GDI2: variants seen among roughly 807,000 people sequenced by gnomAD.
The protein encoded by GDI2 is GDP dissociation inhibitor 2.
Under a neutral mutation model 54.2 loss-of-function variants are expected in GDI2, and 22 were observed. The observed-to-expected ratio is 0.41, with a 90% CI of 0.29 to 0.58. The LOEUF is 0.58. GDI2 is among the 20% of genes least tolerant of loss of function. The probability of loss-of-function intolerance (pLI) is 0.35; values close to 1 mark genes in which losing one functional copy is unlikely to be tolerated. For synonymous variants in GDI2, 177 were observed against 182.1 expected, an observed-to-expected ratio of 0.97 and a Z score of 0.23; for missense variants, 422 against 546.0, an observed-to-expected ratio of 0.77 and a Z score of 2.26.
chr10:5,765,911 C>T lies in GDI2; in HGVS notation c.*95G>A. 1 of 870,800 alleles carries T rather than the reference C, an allele frequency of 1.1e-6. No homozygotes were observed. The highest frequency in any genetic ancestry group is 1.8e-5 in the South Asian group (1 of 56,560). 53.9% of individuals were successfully genotyped at this position (870,800 alleles called of 1,614,324 possible). A position where few individuals can be genotyped will look rare whatever the true frequency, so the allele number is the denominator to read the frequency against. ...CAGCGCTCTTCATTCTCTCCATTTT[C>T]ATTACAAAAGCAGGCCTTACAATAT... is the stretch of plus-strand genomic sequence containing the variant. On this transcript the variant is annotated 3_prime_UTR_variant, in exon 11 of 11. Transcript: ENST00000380191.
In GDI2 at chr10:5,792,888, T is replaced by TA. The variant is rs1445673928; in HGVS notation, c.388+1996dup. Among the ~76,000 whole-genome samples, 3 of 139,242 alleles carry TA rather than the reference T, an allele frequency of 2.2e-5. No homozygotes were observed. In the South Asian group the frequency reaches 6.8e-4, roughly 31 times the overall value. The allele number at this position is 139,242 out of a possible 152,430, so 91.3% of individuals were successfully genotyped here. A position where few individuals can be genotyped will look rare whatever the true frequency, so the allele number is the denominator to read the frequency against. On this transcript the variant is annotated intron_variant, in intron 4 of 10. Coordinates refer to ENST00000380191, the MANE Select transcript of GDI2 (RefSeq NM_001494.4). ...GATAATTTCTATTAGATGAAGGAGG[T>TA]AACTGAAGCTTTAATATAAGTAAGA...
chr10:5,811,157 C>G (rs1001500905), intron 1 of GDI2, among the ~76,000 whole-genome samples: 1 of 152,130 alleles, frequency 6.6e-6, no homozygotes, highest in Non-Finnish European at 1.5e-5. Flanking sequence ...TTCTCATTAT[C>G]AAAATCATCC....
chr10:5,791,536 T>C (rs1276647009), intron 4 of GDI2, among the ~76,000 whole-genome samples: 5 of 151,842 alleles, frequency 3.3e-5, no homozygotes, highest in Admixed American at 3.3e-4. Flanking sequence ...TCATCTGAGG[T>C]CGGGAGTTTG....
At chr10:5,786,221 A>G (rs1214422535) in intron 4 of GDI2, among the ~76,000 whole-genome samples, 171 bp from the exon 5 acceptor site, 9 of 120,038 alleles carry the variant, frequency 7.5e-5, no homozygotes, top group Non-Finnish European at 3.2e-5. Context: ...CCTAGACTGG[A>G]GTGCAATGAC....
intron 4 of GDI2, among the ~76,000 whole-genome samples, chr10:5,787,502 C>G (rs1381709065): frequency 6.6e-6 from 1 of 150,422 alleles, no homozygotes; most frequent in East Asian, 1.9e-4. Context: ...AGTGAGACTC[C>G]GTCTCAAAAA....
intron 7 of GDI2, among the ~76,000 whole-genome samples, chr10:5,773,376 T>C (rs1407865676): frequency 6.6e-6 from 1 of 152,174 alleles, no homozygotes; most frequent in Non-Finnish European, 1.5e-5. Context: ...GTGATTTTTT[T>C]TTTCAGTAGC....
chr10:5,781,890 G>C (rs1289283441), intron 6 of GDI2, among the ~76,000 whole-genome samples: 5 of 152,126 alleles, frequency 3.3e-5, no homozygotes, highest in African/African-American at 1.2e-4. Flanking sequence ...GCACATGCCT[G>C]TAGTCCCAGC....
intron 4 of GDI2, among the ~76,000 whole-genome samples, chr10:5,792,043 T>C (rs1290764224): frequency 6.6e-6 from 1 of 152,170 alleles, no homozygotes; most frequent in Non-Finnish European, 1.5e-5. Context: ...GCATATTATA[T>C]GAGAAACAAC....
chr10:5,794,823 G>C, intron 4 of GDI2, 62 bp downstream of exon 4: 2 of 1,123,980 alleles, frequency 1.8e-6, no homozygotes, highest in East Asian at 2.3e-5. Flanking sequence ...CTCTTTTCCA[G>C]TATAAAATCT....
intron 7 of GDI2, among the ~76,000 whole-genome samples, chr10:5,773,020 C>T (rs1423328562): frequency 6.6e-6 from 1 of 152,118 alleles, no homozygotes; most frequent in Non-Finnish European, 1.5e-5. Context: ...TGAAAATGTG[C>T]TTCACAAATT....
intron 8 of GDI2, among the ~76,000 whole-genome samples, chr10:5,767,166 C>A (rs1470232311): frequency 6.6e-6 from 1 of 151,510 alleles, no homozygotes; most frequent in Admixed American, 6.6e-5. Context: ...GATAGAAAAT[C>A]ATTTGGATAG....
rs139138309 is a variant in GDI2 at position 5,768,593 on chromosome 10, A to G, written c.820-209T>C. 9.0e-6 allele frequency: 5 copies of G among 555,634 alleles called. No individual in the cohort carries two copies. Among genetic ancestry groups the G allele is most frequent in the African/African-American group, 7.5e-5 (4 of 53,118 alleles). The allele number at this position is 555,634 out of a possible 1,614,324, so 34.4% of individuals were successfully genotyped here. On this transcript the variant is annotated intron_variant, in intron 7 of 10. Coordinates refer to ENST00000380191, the MANE Select transcript of GDI2 (RefSeq NM_001494.4). This position sits in a 1 kb window ranked among gnomAD's most constrained non-coding sequence, Gnocchi z 4.4. ...TGGAGGACTCACTCACTAAAAAGCT[A>G]CAGTGATCAATTCAGTGTGGTACTG...
Position 5,795,019 on chromosome 10 carries a change from C to A in GDI2, c.254G>T (p.Gly85Val). Residue 85 changes from glycine (G) to valine (V), a missense_variant and splice_region_variant, in exon 4 of 11, where the codon GGT (glycine) becomes GTT (valine). Physicochemically the swap from Gly to Val is moderately radical, Grantham distance 109 (BLOSUM62 -3). Coordinates refer to ENST00000380191, the MANE Select transcript of GDI2 (RefSeq NM_001494.4). ...ATAAAGCAGCATCTTAACCAGCTGA[C>A]CTAGAAAAGTCACATAATTCAAACT... The part of the protein sequence containing the change: ...DLIPKFLMAN[G>V]QLVKMLLYTE... The A allele has an allele frequency of 6.4e-7, 1 of 1,570,594 alleles. No individual in the cohort carries two copies. Among genetic ancestry groups the A allele is most frequent in the Non-Finnish European group, 8.8e-7 (1 of 1,142,488 alleles).
At position 5,766,362 on chromosome 10, in the gene GDI2, A is replaced by C; in HGVS notation, c.1137-67T>G. ...CCTGACCATGGCTCTGCCTGAGGTCAACTGAGAGGTACAGATGAATCCCAC... is the reference window on the plus strand; with the variant it reads ...CCTGACCATGGCTCTGCCTGAGGTCCACTGAGAGGTACAGATGAATCCCAC... On this transcript the variant is annotated intron_variant, in intron 9 of 10. Transcript: ENST00000380191. This position sits in a 1 kb window ranked among gnomAD's most constrained non-coding sequence, Gnocchi z 5.8. 6.7e-7 allele frequency: 1 copy of C among 1,495,400 alleles called. No individual in the cohort carries two copies. The highest frequency in any genetic ancestry group is 9.3e-7 in the Non-Finnish European group (1 of 1,071,550). The allele number at this position is 1,495,400 out of a possible 1,614,324, so 92.6% of individuals were successfully genotyped here.
At chr10:5,771,076 A>G (rs1326142042) in intron 7 of GDI2, among the ~76,000 whole-genome samples, 1 of 151,894 alleles carries the variant, frequency 6.6e-6, no homozygotes, top group Non-Finnish European at 1.5e-5. Flanking sequence ...TTTAAACAGT[A>G]TATTAATGTA....
intron 1 of GDI2, among the ~76,000 whole-genome samples, chr10:5,804,584 T>C (rs2131719757): frequency 6.6e-6 from 1 of 152,366 alleles, no homozygotes; most frequent in Non-Finnish European, 1.5e-5. Context: ...TCTGACATTA[T>C]GCAACACGTT....
At chr10:5,797,695 G>A (rs937577412) in intron 2 of GDI2, among the ~76,000 whole-genome samples, 31 of 151,212 alleles carry the variant, frequency 2.1e-4, no homozygotes, top group Non-Finnish European at 2.7e-4. Flanking sequence ...AGCTGGGATG[G>A]CACCACTGTA....
chr10:5,776,187 G>C lies in GDI2; in HGVS notation c.720-2246C>G. On this transcript the variant is annotated intron_variant, in intron 6 of 10. Coordinates refer to ENST00000380191, the MANE Select transcript of GDI2 (RefSeq NM_001494.4). The surrounding 1 kb of genome is among the most constrained non-coding windows in gnomAD (Gnocchi z 5.3). ...CATATCCTTCAGAAGCCGTGAAGCTGACAGTCTGAGCAGGCTCATTTTTCA... is the reference window on the plus strand; with the variant it reads ...CATATCCTTCAGAAGCCGTGAAGCTCACAGTCTGAGCAGGCTCATTTTTCA... The C allele has an allele frequency of 8.7e-6, 3 of 344,228 alleles. No homozygotes were observed. The South Asian group carries it at 1.1e-4, about 13-fold the overall frequency. The allele number at this position is 344,228 out of a possible 1,614,324, so 21.3% of individuals were successfully genotyped here. A position where few individuals can be genotyped will look rare whatever the true frequency, so the allele number is the denominator to read the frequency against.
At chr10:5,802,498 C>G (rs925662386) in intron 1 of GDI2, among the ~76,000 whole-genome samples, 4 of 151,996 alleles carry the variant, frequency 2.6e-5, no homozygotes, top group East Asian at 3.9e-4. Flanking sequence ...ACTCGGGAGG[C>G]TGAGGCAGGA....
Sources: allele counts gnomAD v4.1 joint callset (sites outside exome capture counted in the v4.1 genomes callset), GRCh38; gene constraint gnomAD v4.1.1; non-coding constraint Gnocchi (gnomAD v3.1); transcripts MANE v1.5; gene names NCBI Gene and HGNC (gene_info 2026-07-23, HGNC 2026-07-21).